CTNNA2: variants seen among roughly 807,000 people sequenced by gnomAD.
CTNNA2 encodes catenin alpha 2.
Under a neutral mutation model 101.0 loss-of-function variants are expected in CTNNA2, and 42 were observed. The observed-to-expected ratio is 0.42, with a 90% CI of 0.32 to 0.54. CTNNA2 has a LOEUF of 0.54. CTNNA2 is among the 20% of genes least tolerant of loss of function. The pLI, the probability that CTNNA2 is intolerant of heterozygous loss-of-function variation, is 0.14. For missense variants in CTNNA2, 871 were observed against 1,223.1 expected (o/e 0.71, Z 4.29); for synonymous variants, 450 against 456.4 (o/e 0.99, Z 0.18).
intron 9 of CTNNA2, among the ~76,000 whole-genome samples, chr2:80,466,445 T>C (rs938366140): frequency 2.0e-5 from 3 of 152,204 alleles, no homozygotes; most frequent in African/African-American, 7.2e-5. Flanking sequence ...TGGACAGTTA[T>C]GGATGACTTT....
At chr2:79,417,877 A>G (rs1678500193) in intron 4 of CTNNA2, among the ~76,000 whole-genome samples, 1 of 152,178 alleles carries the variant, frequency 6.6e-6, no homozygotes, top group Non-Finnish European at 1.5e-5. Flanking sequence ...CACAAACATA[A>G]TAAATTCACA....
chr2:79,205,020 A>G (rs1674083834), intron 2 of CTNNA2, among the ~76,000 whole-genome samples: 1 of 152,250 alleles, frequency 6.6e-6, no homozygotes, highest in South Asian at 2.1e-4. Flanking sequence ...AGCAGAGTTT[A>G]GTTTTTCTCT....
chr2:80,483,368 T>TTTTA (rs1553533288), intron 9 of CTNNA2, among the ~76,000 whole-genome samples: 2 of 146,096 alleles, frequency 1.4e-5, no homozygotes, highest in Admixed American at 6.9e-5. Context: ...TGTTGTTGTT[T>TTTTA]TATATATATA....
At chr2:80,580,104 T>C (rs1187829568) in intron 13 of CTNNA2, among the ~76,000 whole-genome samples, 2 of 152,218 alleles carry the variant, frequency 1.3e-5, no homozygotes, top group Non-Finnish European at 2.9e-5. Flanking sequence ...GAGCAAGCTA[T>C]AACGTCTCAT....
At chr2:79,882,505 C>T (rs182352773) in intron 6 of CTNNA2, among the ~76,000 whole-genome samples, 213 of 152,320 alleles carry the variant, frequency 1.4e-3, no homozygotes, top group African/African-American at 4.7e-3. Flanking sequence ...CTGCCACAGC[C>T]GGTGTGTTGG....
In CTNNA2 at chr2:80,619,136, A is replaced by T; in HGVS notation, c.2482A>T (p.Ile828Leu). ...TTFYEVDCDVIDGGRASQLST... is the reference protein window; with the variant it reads ...TTFYEVDCDVLDGGRASQLST... ...CTTTTATGAGGTAGATTGTGATGTC[A>T]TAGATGGGGGCAGGGCTAGTCAACT... The change falls in exon 18 of 19, where the codon ATA (isoleucine) becomes TTA (leucine). Residue 828 changes from isoleucine to leucine, a missense_variant. Transcript: ENST00000402739. 1.3e-6 allele frequency: 2 copies of T among 1,555,082 alleles called. No homozygotes were observed. The highest frequency in any genetic ancestry group is 1.7e-6 in the Non-Finnish European group (2 of 1,148,910).
chr2:79,695,356 C>T (rs949588581), intron 2 of CTNNA2, among the ~76,000 whole-genome samples: 1 of 152,032 alleles, frequency 6.6e-6, no homozygotes, highest in Admixed American at 6.6e-5. Context: ...GGGTTACAGC[C>T]TGCAGGCTGG....
At chr2:80,284,653 C>T (rs1376021037) in intron 7 of CTNNA2, among the ~76,000 whole-genome samples, 2 of 151,704 alleles carry the variant, frequency 1.3e-5, no homozygotes, top group Non-Finnish European at 2.9e-5. Flanking sequence ...TCTGAGAATT[C>T]CTCAAATTCC....
At chr2:79,409,593 A>G (rs1292991273) in intron 4 of CTNNA2, among the ~76,000 whole-genome samples, 1 of 150,726 alleles carries the variant, frequency 6.6e-6, no homozygotes, top group Admixed American at 6.6e-5. Context: ...CAGGTTTGTC[A>G]AAGATCAGAT....
intron 12 of CTNNA2, among the ~76,000 whole-genome samples, chr2:80,570,605 T>G (rs976715720): frequency 1.3e-5 from 2 of 152,214 alleles, no homozygotes; most frequent in Non-Finnish European, 2.9e-5. Context: ...TCGAGTTTTA[T>G]GTTTTACTGG....
chr2:79,243,029 C>CACACACACAT (rs1369431500), intron 2 of CTNNA2, among the ~76,000 whole-genome samples: 28 of 149,654 alleles, frequency 1.9e-4, no homozygotes, highest in African/African-American at 6.9e-4. Context: ...CACACACACA[C>CACACACACAT]GTTAATATTC....
chr2:79,909,489 G>C (rs1200463935), intron 6 of CTNNA2, 105 bp from the exon 7 acceptor site: 1 of 860,462 alleles, frequency 1.2e-6, no homozygotes, highest in African/African-American at 1.7e-5. Context: ...TCTCCTCCTT[G>C]GGGACTCCTG....
intron 3 of CTNNA2, among the ~76,000 whole-genome samples, chr2:79,795,418 T>TTATG (rs1441523434): frequency 1.3e-5 from 2 of 152,098 alleles, no homozygotes; most frequent in Non-Finnish European, 2.9e-5. Flanking sequence ...CAAAATATTT[T>TTATG]TATGTATGTG....
intron 1 of CTNNA2, among the ~76,000 whole-genome samples, chr2:79,556,470 C>A (rs561393188): frequency 1.3e-5 from 2 of 152,124 alleles, no homozygotes; most frequent in African/African-American, 4.8e-5. Flanking sequence ...CTGCCTTTTT[C>A]ATCTAGTTCA....
chr2:79,485,149 C>T (rs1017643501), intron 4 of CTNNA2, among the ~76,000 whole-genome samples: 1 of 152,034 alleles, frequency 6.6e-6, no homozygotes, highest in Non-Finnish European at 1.5e-5. Context: ...GAATAATATG[C>T]TTCTTTTTTC....
chr2:80,454,542 G>A (rs772671512), intron 9 of CTNNA2, among the ~76,000 whole-genome samples: 2 of 152,174 alleles, frequency 1.3e-5, no homozygotes, highest in Admixed American at 6.5e-5. Flanking sequence ...GTCCTTGAAC[G>A]TGTTCAAATG....
Position 80,608,294 on chromosome 2 carries a change from G to A in CTNNA2, c.2406G>A (p.Leu802=). Residue 802 remains leucine (L), a synonymous_variant, in exon 17 of 19, where the codon CTG becomes CTA. Coordinates refer to ENST00000402739, the MANE Select transcript of CTNNA2 (RefSeq NM_001282597.3). ...CSKVKAEVQN[L]GGELIVSGTG... ...AGGTGAAGGCAGAAGTGCAGAATCT[G>A]GGAGGAGAGCTCATTGTGTCAGGGG... is the stretch of plus-strand genomic sequence containing the variant. 6.2e-7 allele frequency: 1 copy of A among 1,610,200 alleles called. No individual in the cohort carries two copies. Among genetic ancestry groups the A allele is most frequent in the Non-Finnish European group, 8.5e-7 (1 of 1,177,406 alleles).
chr2:79,897,502 T>C (rs1462288746), intron 6 of CTNNA2, among the ~76,000 whole-genome samples: 12 of 152,172 alleles, frequency 7.9e-5, no homozygotes, highest in African/African-American at 2.9e-4. Context: ...TTTCATATAT[T>C]GTTCAAATCT....
intron 7 of CTNNA2, among the ~76,000 whole-genome samples, chr2:80,239,595 A>G (rs1363347836): frequency 6.6e-6 from 1 of 152,148 alleles, no homozygotes; most frequent in Non-Finnish European, 1.5e-5. Context: ...GTAAAAGATG[A>G]ACAACAATAA....
Sources: allele counts gnomAD v4.1 joint callset (sites outside exome capture counted in the v4.1 genomes callset), GRCh38; gene constraint gnomAD v4.1.1; transcripts MANE v1.5; gene names NCBI Gene and HGNC (gene_info 2026-07-23, HGNC 2026-07-21).